NBPF8: variants seen among roughly 807,000 people sequenced by gnomAD.
The protein encoded by NBPF8 is NBPF member 8, also known as NBPF family member NBPF8.
intron 1 of NBPF8, among the ~76,000 whole-genome samples, chr1:120,424,695 GCC>G (rs1660664050): frequency 1.4e-5 from 2 of 139,712 alleles, no homozygotes; most frequent in Non-Finnish European, 3.3e-5. Context: ...TGATCCACCT[GCC>G]TTGGCCTCTC....
chr1:120,450,026 G>A (rs1349706809), intron 11 of NBPF8, among the ~76,000 whole-genome samples: 5 of 152,112 alleles, frequency 3.3e-5, no homozygotes, highest in East Asian at 3.9e-4. Context: ...CAGGAGTTTG[G>A]GACCAGCCTG....
At chr1:120,415,409 G>T (rs1320405135), upstream of NBPF8, among the ~76,000 whole-genome samples, 1 of 152,044 alleles carries the variant, frequency 6.6e-6, no homozygotes, top group Non-Finnish European at 1.5e-5. Context: ...GGGAGGGCGT[G>T]TGTTCCGGCC....
At chr1:120,450,192 A>G (rs1405889438) in intron 11 of NBPF8, among the ~76,000 whole-genome samples, 1 of 152,058 alleles carries the variant, frequency 6.6e-6, no homozygotes, top group African/African-American at 2.4e-5. Flanking sequence ...TTGCCATTGC[A>G]CTCCAGCCTG....
downstream of NBPF8, among the ~76,000 whole-genome samples, chr1:120,467,974 CTG>C (rs1302732798): frequency 7.1e-6 from 1 of 141,718 alleles, no homozygotes; most frequent in African/African-American, 2.6e-5. Flanking sequence ...GTGTGTGTGT[CTG>C]TGTGTGCCTT....
upstream of NBPF8, among the ~76,000 whole-genome samples, chr1:120,436,085 T>A (rs1661065823): frequency 6.6e-6 from 1 of 151,014 alleles, no homozygotes; most frequent in South Asian, 2.1e-4. Context: ...ATACTGAGAG[T>A]GAATGCTGAA....
chr1:120,464,147 G>T (rs1440055170), intron 22 of NBPF8, among the ~76,000 whole-genome samples: 6 of 97,422 alleles, frequency 6.2e-5, no homozygotes, highest in African/African-American at 3.5e-4. Flanking sequence ...GTGTGTGTGT[G>T]TGTGTGTGTG....
chr1:120,434,646 C>T (rs1661023142), upstream of NBPF8, among the ~76,000 whole-genome samples: 1 of 151,322 alleles, frequency 6.6e-6, no homozygotes, highest in African/African-American at 2.4e-5. Flanking sequence ...ACACCAATGC[C>T]CTTCATTGGG....
At chr1:120,434,381 A>G (rs1553247491), upstream of NBPF8, among the ~76,000 whole-genome samples, 20 of 147,012 alleles carry the variant, frequency 1.4e-4, no homozygotes, top group African/African-American at 4.2e-4. Flanking sequence ...ACAGGTATAT[A>G]TGTATATATA....
At chr1:120,417,880 C>T (rs1274187891), upstream of NBPF8, among the ~76,000 whole-genome samples, 1 of 138,154 alleles carries the variant, frequency 7.2e-6, no homozygotes, top group Non-Finnish European at 1.5e-5. Flanking sequence ...GGATTACAGG[C>T]ATGAGCCACC....
intron 15 of NBPF8, among the ~76,000 whole-genome samples, chr1:120,454,627 A>G (rs1193356112): frequency 6.7e-6 from 1 of 149,660 alleles, no homozygotes; most frequent in African/African-American, 2.5e-5. Flanking sequence ...ATATATTTCC[A>G]TAAAGCAAGG....
At chr1:120,469,337 T>C (rs1570949864), downstream of NBPF8, among the ~76,000 whole-genome samples, 3 of 144,706 alleles carry the variant, frequency 2.1e-5, no homozygotes, top group South Asian at 2.3e-4. Context: ...TGGCCCTTGA[T>C]TGATTGCATG....
At chr1:120,468,869 G>A (rs1235248041), downstream of NBPF8, among the ~76,000 whole-genome samples, 2 of 151,262 alleles carry the variant, frequency 1.3e-5, no homozygotes, top group African/African-American at 2.4e-5. Flanking sequence ...TGCTCCCTCT[G>A]CCGTCGTGTG....
intron 1 of NBPF8, among the ~76,000 whole-genome samples, chr1:120,423,134 G>A (rs1660618214): frequency 7.4e-6 from 1 of 135,574 alleles, no homozygotes; most frequent in Non-Finnish European, 1.5e-5. Flanking sequence ...TTTTAATGAG[G>A]CTCAACTTAA....
chr1:120,459,956 T>C (rs1661531482), intron 17 of NBPF8, among the ~76,000 whole-genome samples: 1 of 152,070 alleles, frequency 6.6e-6, no homozygotes, highest in Non-Finnish European at 1.5e-5. Context: ...AGTGTCACCC[T>C]TGTCTACCTC....
At chr1:120,466,216 CAAT>C (rs1379953252) in exon 25 of NBPF8, 3 of 1,608,502 alleles carry the variant, frequency 1.9e-6, no homozygotes, top group Non-Finnish European at 2.5e-6. Context: ...CATATTCCCA[CAAT>C]AAGCAGCCCT....
exon 13 of NBPF8, chr1:120,452,121 T>C: frequency 6.3e-7 from 1 of 1,599,608 alleles, no homozygotes; most frequent in Non-Finnish European, 8.5e-7. Context: ...CCTTAGGCAA[T>C]ATAAAGTCCT....
exon 1 of NBPF8, chr1:120,436,434 T>G (rs1205262333): frequency 5.1e-5 from 61 of 1,201,506 alleles, no homozygotes; most frequent in East Asian, 3.2e-4. Flanking sequence ...TGATTAAACC[T>G]ATTTGATTTC....
intron 22 of NBPF8, among the ~76,000 whole-genome samples, 197 bp from the exon 21 acceptor site, chr1:120,464,179 C>G (rs1240349792): frequency 1.7e-3 from 153 of 89,186 alleles, no homozygotes; most frequent in African/African-American, 2.7e-3. Context: ...GTGTGTGTGT[C>G]TGTCTGTCTT....
downstream of NBPF8, among the ~76,000 whole-genome samples, chr1:120,468,103 A>ATAAC (rs1187273659): frequency 2.6e-5 from 4 of 151,356 alleles, no homozygotes; most frequent in Admixed American, 2.6e-4. Context: ...GTTTTAAATT[A>ATAAC]TAACTTTCAG....
Sources: allele counts gnomAD v4.1 joint callset (sites outside exome capture counted in the v4.1 genomes callset), GRCh38; gene constraint gnomAD v4.1.1; transcripts MANE v1.5; gene names NCBI Gene and HGNC (gene_info 2026-07-23, HGNC 2026-07-21).